Variants in MTMR2 observed in about 807,000 individuals in gnomAD.
MTMR2 encodes the protein myotubularin related protein 2, also known as phosphatidylinositol-3,5-bisphosphate 3-phosphatase MTMR2.
In MTMR2, 55 loss-of-function variants were observed where a neutral mutation model predicts 86.9. The observed-to-expected ratio is 0.63, with a 90% CI of 0.51 to 0.79. The LOEUF (loss-of-function observed/expected upper bound fraction) is 0.79, where lower values mean the gene tolerates loss of function less well. Ranked by LOEUF, MTMR2 falls within the 30% of genes least tolerant of loss-of-function variation. The pLI is 0.00. For missense variants in MTMR2, 659 were observed against 772.3 expected (o/e 0.85, Z 1.74); for synonymous variants, 241 against 266.8 (o/e 0.90, Z 0.94).
chr11:95,852,139 T>C (rs985981852), intron 7 of MTMR2, among the ~76,000 whole-genome samples: 3 of 152,212 alleles, frequency 2.0e-5, no homozygotes, highest in African/African-American at 7.2e-5. Context: ...GCATCTACTA[T>C]GTGTAGGCAC....
At chr11:95,900,814 G>A (rs1866049076) in intron 1 of MTMR2, among the ~76,000 whole-genome samples, 1 of 152,146 alleles carries the variant, frequency 6.6e-6, no homozygotes, top group African/African-American at 2.4e-5. Context: ...ATCTACATGA[G>A]AATCATTAAT....
intron 7 of MTMR2, among the ~76,000 whole-genome samples, chr11:95,855,230 G>A (rs192305211): frequency 1.3e-5 from 2 of 151,594 alleles, no homozygotes; most frequent in African/African-American, 2.4e-5. Context: ...AACCTAAATG[G>A]TTATTAATAA....
At chr11:95,922,024 G>T (rs1024577170) in intron 1 of MTMR2, among the ~76,000 whole-genome samples, 1 of 152,038 alleles carries the variant, frequency 6.6e-6, no homozygotes, top group Non-Finnish European at 1.5e-5. Context: ...CCAAAACAAA[G>T]GTTATTTGCA....
intron 2 of MTMR2, among the ~76,000 whole-genome samples, chr11:95,872,919 T>C (rs1417182777): frequency 6.6e-6 from 1 of 152,208 alleles, no homozygotes; most frequent in South Asian, 2.1e-4. Context: ...ATTACGTTTA[T>C]TGATTTGTGT....
At chr11:95,882,723 TTG>T (rs200129437) in intron 2 of MTMR2, among the ~76,000 whole-genome samples, 8 of 147,784 alleles carry the variant, frequency 5.4e-5, no homozygotes, top group African/African-American at 1.5e-4. Context: ...TTATTTTGTG[TTG>T]TTTTTTTTTT....
At chr11:95,863,428 C>T (rs550357854) in intron 3 of MTMR2, among the ~76,000 whole-genome samples, 1 of 152,242 alleles carries the variant, frequency 6.6e-6, no homozygotes, top group Non-Finnish European at 1.5e-5. Context: ...AAATAGTTCC[C>T]TTAGGAACAT....
intron 1 of MTMR2, among the ~76,000 whole-genome samples, chr11:95,900,711 G>T (rs1866043103): frequency 6.6e-6 from 1 of 152,106 alleles, no homozygotes; most frequent in Admixed American, 6.5e-5. Context: ...AGAGGTGTGT[G>T]TGTGTGCATG....
At chr11:95,874,245 T>A (rs1865008729) in intron 2 of MTMR2, among the ~76,000 whole-genome samples, 2 of 152,172 alleles carry the variant, frequency 1.3e-5, no homozygotes, top group Non-Finnish European at 2.9e-5. Context: ...TCTTTGTAGG[T>A]CTCTAAGGAC....
At chr11:95,866,523 G>A (rs528125646) in intron 2 of MTMR2, 2 of 151,898 alleles carry the variant, frequency 1.3e-5, no homozygotes, top group South Asian at 4.2e-4. Context: ...CAATAAATTT[G>A]CAATCTAAAC....
Position 95,844,934 on chromosome 11 carries a change from G to A in MTMR2, c.1386+19C>T, listed in dbSNP as rs1462732398. On this transcript the variant is annotated intron_variant, in intron 11 of 14. Coordinates refer to ENST00000346299, the MANE Select transcript of MTMR2 (RefSeq NM_016156.6). ...CATGAATGCATGTGATATATCCAAA[G>A]TCAAGGTTCCTTACTTACTAGTTGA... The A allele has an allele frequency of 1.3e-6, 2 of 1,572,842 alleles. No individual in the cohort carries two copies. The highest frequency in any genetic ancestry group is 1.7e-6 in the Non-Finnish European group (2 of 1,145,620).
intron 1 of MTMR2, among the ~76,000 whole-genome samples, chr11:95,906,411 G>A (rs977739852): frequency 6.6e-6 from 1 of 152,122 alleles, no homozygotes; most frequent in African/African-American, 2.4e-5. Flanking sequence ...CAAGTTCTTA[G>A]AGACCTACAA....
intron 12 of MTMR2, among the ~76,000 whole-genome samples, chr11:95,839,391 A>C (rs192811323): frequency 6.6e-6 from 1 of 152,206 alleles, no homozygotes; most frequent in East Asian, 1.9e-4. Context: ...TATTAGCGAA[A>C]TATGAATGCA....
chr11:95,878,223 T>C (rs1865194781), intron 2 of MTMR2, among the ~76,000 whole-genome samples: 2 of 148,346 alleles, frequency 1.3e-5, no homozygotes, highest in Admixed American at 1.4e-4. Flanking sequence ...TCTAACTACA[T>C]GACATTCTGG....
At chr11:95,901,496 C>A (rs940413838) in intron 1 of MTMR2, among the ~76,000 whole-genome samples, 3 of 152,098 alleles carry the variant, frequency 2.0e-5, no homozygotes, top group Admixed American at 6.6e-5. Context: ...TCTAGTGAAA[C>A]CCCATCCCTC....
chr11:95,905,082 C>A (rs1464817211), intron 1 of MTMR2, among the ~76,000 whole-genome samples: 1 of 152,156 alleles, frequency 6.6e-6, no homozygotes, highest in Non-Finnish European at 1.5e-5. Flanking sequence ...CCACACTTGA[C>A]TTCCAGAACT....
intron 2 of MTMR2, among the ~76,000 whole-genome samples, chr11:95,865,895 T>G (rs1438307423): frequency 3.4e-5 from 5 of 148,068 alleles, no homozygotes; most frequent in Non-Finnish European, 7.3e-5. Flanking sequence ...ATCAAAGCAC[T>G]CTACATTTGT....
chr11:95,884,066 G>T (rs1865433026), intron 2 of MTMR2, among the ~76,000 whole-genome samples: 1 of 152,168 alleles, frequency 6.6e-6, no homozygotes, highest in African/African-American at 2.4e-5. Flanking sequence ...ATCTGTGAAT[G>T]ATAATTTTCA....
At chr11:95,838,541 GTTTTTC>G (rs1425024012) in intron 12 of MTMR2, among the ~76,000 whole-genome samples, 2 of 151,738 alleles carry the variant, frequency 1.3e-5, no homozygotes, top group Non-Finnish European at 2.9e-5. Flanking sequence ...GAACATAGTT[GTTTTTC>G]TTTTTTAAGG....
At chr11:95,852,425 G>C (rs577626232) in intron 7 of MTMR2, among the ~76,000 whole-genome samples, 18 of 152,164 alleles carry the variant, frequency 1.2e-4, no homozygotes, top group Non-Finnish European at 1.6e-4. Flanking sequence ...TATTTCTCAA[G>C]CTGTTTCCAA....
Sources: allele counts gnomAD v4.1 joint callset (sites outside exome capture counted in the v4.1 genomes callset), GRCh38; gene constraint gnomAD v4.1.1; transcripts MANE v1.5; gene names NCBI Gene and HGNC (gene_info 2026-07-23, HGNC 2026-07-21).